The following PTPN12 variants were observed in gnomAD, a reference collection of about 807,000 sequenced individuals.
PTPN12 encodes protein tyrosine phosphatase non-receptor type 12.
PTPN12 carries 29 observed loss-of-function variants against 97.6 expected under a neutral mutation model. That is an observed-to-expected ratio of 0.30 (90% CI 0.22 to 0.41). The LOEUF (loss-of-function observed/expected upper bound fraction) is 0.41, where lower values mean the gene tolerates loss of function less well. PTPN12 is among the 10% of genes least tolerant of loss of function. The pLI is 1.00. For missense variants in PTPN12, 819 were observed against 926.0 expected (o/e 0.88, Z 1.50); for synonymous variants, 327 against 300.4 (o/e 1.09, Z -0.91).
intron 13 of PTPN12, among the ~76,000 whole-genome samples, chr7:77,631,821 C>T (rs927529743): frequency 2.6e-5 from 4 of 152,114 alleles, no homozygotes; most frequent in Admixed American, 2.0e-4. Flanking sequence ...ACTAGTATTT[C>T]CAATGTTATT....
At chr7:77,557,907 T>C (rs1299826111) in intron 1 of PTPN12, among the ~76,000 whole-genome samples, 3 of 152,102 alleles carry the variant, frequency 2.0e-5, no homozygotes, top group African/African-American at 7.2e-5. Flanking sequence ...AAATTCGTAA[T>C]AATTCAGAAA....
intron 8 of PTPN12, 43 bp downstream of exon 8, chr7:77,600,849 T>A: frequency 6.8e-7 from 1 of 1,468,922 alleles, no homozygotes; most frequent in Non-Finnish European, 9.3e-7. Context: ...TTATTTAAGT[T>A]TGATGTTACA....
At chr7:77,596,967 C>T (rs1341195847) in intron 6 of PTPN12, among the ~76,000 whole-genome samples, 3 of 137,484 alleles carry the variant, frequency 2.2e-5, no homozygotes, top group Non-Finnish European at 4.7e-5. Context: ...TGACGTGTAT[C>T]CACCATTGTG....
At chr7:77,600,314 G>A (rs1378571333) in intron 7 of PTPN12, among the ~76,000 whole-genome samples, 1 of 151,826 alleles carries the variant, frequency 6.6e-6, no homozygotes, top group African/African-American at 2.4e-5. Context: ...TATATATAGT[G>A]TTATGTTTAC....
chr7:77,583,266 T>C (rs1787581108), intron 3 of PTPN12, among the ~76,000 whole-genome samples: 1 of 152,202 alleles, frequency 6.6e-6, no homozygotes, highest in Non-Finnish European at 1.5e-5. Flanking sequence ...TTAGGGCTTT[T>C]GTTATTAATG....
intron 8 of PTPN12, among the ~76,000 whole-genome samples, chr7:77,604,209 CTTTTT>C (rs71082768): frequency 1.1e-4 from 6 of 52,790 alleles, no homozygotes; most frequent in Admixed American, 3.4e-4. Context: ...TTTTTTCTTC[CTTTTT>C]TTTTTTTTTT....
At position 77,594,116 on chromosome 7, in the gene PTPN12, T is replaced by A. The variant is rs1219790488; in HGVS notation, c.492+1860T>A. ...CATTGAACTTTTTGGATGTAGTATT[T>A]AGTCAATATTCTTAAGGTGCTGATT... On this transcript the variant is annotated intron_variant, in intron 6 of 17. Transcript: ENST00000248594. Among the ~76,000 whole-genome samples the A allele has an allele frequency of 2.6e-5, 4 of 152,220 alleles. No individual in the cohort carries two copies. In the East Asian group the frequency reaches 7.7e-4, roughly 29 times the overall value.
chr7:77,573,114 C>CAAAAAAAAAAAAAA (rs1562720949), intron 2 of PTPN12, among the ~76,000 whole-genome samples: 4 of 110,116 alleles, frequency 3.6e-5, no homozygotes, highest in East Asian at 6.0e-4. Flanking sequence ...ACAAAAAAAA[C>CAAAAAAAAAAAAAA]CAGTGTACCT....
chr7:77,562,034 C>T (rs1808022880), intron 1 of PTPN12, among the ~76,000 whole-genome samples: 1 of 150,998 alleles, frequency 6.6e-6, no homozygotes, highest in Non-Finnish European at 1.5e-5. Flanking sequence ...TCATGATCTG[C>T]CCGCCTCGGC....
At chr7:77,564,759 T>TTTTTTTTTTG (rs1808179851) in intron 1 of PTPN12, among the ~76,000 whole-genome samples, 1 of 99,134 alleles carries the variant, frequency 1.0e-5, no homozygotes, top group East Asian at 3.2e-4. Flanking sequence ...TTTTTTTTTT[T>TTTTTTTTTTG]TTTTTTTTTT....
chr7:77,569,868 A>G (rs1808402730), intron 1 of PTPN12, among the ~76,000 whole-genome samples: 2 of 152,170 alleles, frequency 1.3e-5, no homozygotes, highest in African/African-American at 2.4e-5. Context: ...TAGAAGTACA[A>G]TTCAGAGACA....
chr7:77,574,336 AATGGATT>A (rs1303307354), intron 2 of PTPN12, among the ~76,000 whole-genome samples: 10 of 152,318 alleles, frequency 6.6e-5, no homozygotes, highest in Admixed American at 2.6e-4. Context: ...TTCTGTGATA[AATGGATT>A]ATTTACCATA....
At chr7:77,601,844 A>G (rs1788197137) in intron 8 of PTPN12, among the ~76,000 whole-genome samples, 1 of 152,198 alleles carries the variant, frequency 6.6e-6, no homozygotes, top group Admixed American at 6.5e-5. Context: ...GCCGGAAGCA[A>G]GCATTCTTGT....
At chr7:77,552,589 G>A (rs1807528604) in intron 1 of PTPN12, among the ~76,000 whole-genome samples, 1 of 152,084 alleles carries the variant, frequency 6.6e-6, no homozygotes, top group Non-Finnish European at 1.5e-5. Context: ...GATAAAAGAG[G>A]GAAAGGTAAT....
intron 1 of PTPN12, among the ~76,000 whole-genome samples, chr7:77,548,047 T>A (rs1418446906): frequency 2.0e-5 from 3 of 152,216 alleles, no homozygotes; most frequent in Non-Finnish European, 4.4e-5. Context: ...TAGGACCTTT[T>A]AAAAATTGAG....
intron 2 of PTPN12, among the ~76,000 whole-genome samples, chr7:77,573,114 C>CAAAAAAAAAAAAA (rs1562720949): frequency 9.1e-6 from 1 of 110,074 alleles, no homozygotes; most frequent in Admixed American, 1.1e-4. Flanking sequence ...ACAAAAAAAA[C>CAAAAAAAAAAAAA]CAGTGTACCT....
chr7:77,573,105 C>CAA lies in PTPN12; in HGVS notation c.208+1926_208+1927dup, dbSNP rs1188949235. On this transcript the variant is annotated intron_variant, in intron 2 of 17. Transcript: ENST00000248594. ...CTCAAAAAAAAAAAAAACAAAAAAA[C>CAA]AAAAAAAACCAGTGTACCTAGCACA... Among the ~76,000 whole-genome samples the CAA allele has an allele frequency of 1.5e-4, 7 of 47,852 alleles. 2 individuals are homozygous for CAA. The highest frequency in any genetic ancestry group is 2.8e-4 in the Admixed American group (1 of 3,588). 31.4% of individuals were successfully genotyped at this position (47,852 alleles called of 152,430 possible).
chr7:77,604,219 T>TTTTTTTTTTTTTTTTTTG (rs1788282866), intron 8 of PTPN12, among the ~76,000 whole-genome samples: 1 of 119,152 alleles, frequency 8.4e-6, no homozygotes, highest in Non-Finnish European at 1.7e-5. Flanking sequence ...CTTTTTTTTT[T>TTTTTTTTTTTTTTTTTTG]TTTTTTTTTT....
At chr7:77,616,357 A>G (rs532556434) in intron 11 of PTPN12, among the ~76,000 whole-genome samples, 7 of 151,902 alleles carry the variant, frequency 4.6e-5, no homozygotes, top group African/African-American at 9.7e-5. Context: ...TTACCCTTCT[A>G]CTTTTTTTCT....
Sources: allele counts gnomAD v4.1 joint callset (sites outside exome capture counted in the v4.1 genomes callset), GRCh38; gene constraint gnomAD v4.1.1; transcripts MANE v1.5; gene names NCBI Gene and HGNC (gene_info 2026-07-23, HGNC 2026-07-21).